Variants in FAM227B observed in about 807,000 individuals in gnomAD.
FAM227B encodes protein FAM227B.
A neutral mutation model predicts 73.8 loss-of-function variants in FAM227B; 88 were observed. The ratio of observed to expected loss-of-function variants is 1.19; its 90% CI spans 1.00 to 1.42. The LOEUF (loss-of-function observed/expected upper bound fraction) is 1.42, where lower values mean the gene tolerates loss of function less well. FAM227B is among the 40% of genes most tolerant of loss of function. The pLI is 0.00. For synonymous variants in FAM227B, 210 were observed against 190.5 expected, an observed-to-expected ratio of 1.10 and a Z score of -0.84; for missense variants, 632 against 590.9, an observed-to-expected ratio of 1.07 and a Z score of -0.72.
intron 5 of FAM227B, 76 bp downstream of exon 5, chr15:49,587,940 C>T (rs544598468): frequency 6.4e-5 from 81 of 1,256,190 alleles, no homozygotes; most frequent in Middle Eastern, 2.1e-4. Flanking sequence ...TATTAGTGCT[C>T]ATCTGTGGAA....
chr15:49,412,041 T>C (rs1465351438), intron 11 of FAM227B, among the ~76,000 whole-genome samples: 1 of 152,118 alleles, frequency 6.6e-6, no homozygotes. Context: ...TACTTGGCAT[T>C]AAGAAGCAAT....
At chr15:49,403,555 T>G (rs2048317319) in intron 11 of FAM227B, among the ~76,000 whole-genome samples, 2 of 152,120 alleles carry the variant, frequency 1.3e-5, no homozygotes. Context: ...TGCACAGAGG[T>G]GTTTATAGTA....
At chr15:49,394,835 G>C (rs1043227127) in intron 11 of FAM227B, among the ~76,000 whole-genome samples, 3 of 152,136 alleles carry the variant, frequency 2.0e-5, no homozygotes, top group Non-Finnish European at 4.4e-5. Context: ...GAAAATGTTT[G>C]TAATTGTTCC....
At chr15:49,592,100 G>A (rs1483189591) in intron 3 of FAM227B, among the ~76,000 whole-genome samples, 6 of 152,064 alleles carry the variant, frequency 3.9e-5, no homozygotes, top group East Asian at 1.9e-4. Flanking sequence ...GCTTCCTTGC[G>A]ATGGGTTAGA....
At chr15:49,591,026 T>G (rs1381852504) in intron 3 of FAM227B, among the ~76,000 whole-genome samples, 7 of 137,936 alleles carry the variant, frequency 5.1e-5, no homozygotes, top group African/African-American at 2.0e-4. Flanking sequence ...TTCTCTTTTT[T>G]TTGTTTTTTT....
intron 9 of FAM227B, among the ~76,000 whole-genome samples, chr15:49,545,320 T>C (rs1339710767): frequency 6.6e-6 from 1 of 152,196 alleles, no homozygotes; most frequent in Non-Finnish European, 1.5e-5. Context: ...TGATCTTTTG[T>C]ATTTCTGTGG....
At chr15:49,501,041 A>G (rs2058091197) in intron 11 of FAM227B, among the ~76,000 whole-genome samples, 1 of 152,208 alleles carries the variant, frequency 6.6e-6, no homozygotes, top group African/African-American at 2.4e-5. Context: ...ATCCAGAACC[A>G]TGAGCCAATT....
Position 49,533,219 on chromosome 15 carries a change from C to T in FAM227B, c.874+8461G>A, listed in dbSNP as rs757674113. 3.3e-5 allele frequency among the ~76,000 whole-genome samples: 5 copies of T among 151,876 alleles called. No homozygotes were observed. The South Asian group carries it at 1.0e-3, about 31-fold the overall frequency. On this transcript the variant is annotated intron_variant, in intron 10 of 15. Coordinates refer to ENST00000299338, the MANE Select transcript of FAM227B (RefSeq NM_152647.3). ...CTATTACTGATTTTTAATTTCATGT[C>T]ATCGTGGTCAGAAGAGATGCTTGAT...
chr15:49,544,113 CCTAT>C (rs1217962528), intron 9 of FAM227B, among the ~76,000 whole-genome samples: 3 of 152,096 alleles, frequency 2.0e-5, no homozygotes, highest in African/African-American at 2.4e-5. Context: ...ATTGATTCTA[CCTAT>C]CTGTGAGCAT....
Position 49,424,340 on chromosome 15 carries a change from T to A in FAM227B, c.1013-52941A>T, listed in dbSNP as rs890102153. 1.2e-6 allele frequency: 2 copies of A among 1,613,664 alleles called. No homozygotes were observed. Among genetic ancestry groups the A allele is most frequent in the Non-Finnish European group, 1.7e-6 (2 of 1,179,656 alleles). ...GACATGGATCCTGCCAACTTTGCTC[T>A]ACAGATCATGCTTTCACATTATCTG... is the stretch of plus-strand genomic sequence containing the variant. On this transcript the variant is annotated intron_variant, in intron 11 of 15. Coordinates refer to ENST00000299338, the MANE Select transcript of FAM227B (RefSeq NM_152647.3).
intron 13 of FAM227B, among the ~76,000 whole-genome samples, chr15:49,345,897 G>A (rs2041404995): frequency 6.6e-6 from 1 of 152,166 alleles, no homozygotes; most frequent in Admixed American, 6.5e-5. Context: ...CCTTGCCTTT[G>A]AGAGATTGAG....
intron 13 of FAM227B, among the ~76,000 whole-genome samples, chr15:49,355,387 C>G (rs966690996): frequency 1.3e-5 from 2 of 152,158 alleles, no homozygotes; most frequent in Non-Finnish European, 2.9e-5. Context: ...ATACAGAGAA[C>G]TGCCTAAAGG....
chr15:49,373,788 A>C lies in FAM227B; in HGVS notation c.1013-2389T>G, dbSNP rs75132598. Among the ~76,000 whole-genome samples, 1,441 of 152,266 alleles carry C rather than the reference A, an allele frequency of 9.5e-3. 35 individuals are homozygous for C. Among genetic ancestry groups the C allele is most frequent in the African/African-American group, 0.033 (1,379 of 41,562 alleles). Reference sequence around the variant, plus strand: ...AATGCAAATAACTCCTATATGTTGGAAAAATTAAAGAAAGGTCAAGTGTAG... The same window carrying C: ...AATGCAAATAACTCCTATATGTTGGCAAAATTAAAGAAAGGTCAAGTGTAG... On this transcript the variant is annotated intron_variant, in intron 11 of 15. Transcript: ENST00000299338.
intron 11 of FAM227B, among the ~76,000 whole-genome samples, chr15:49,389,856 T>C (rs1432278225): frequency 1.3e-5 from 2 of 151,986 alleles, no homozygotes; most frequent in Non-Finnish European, 1.5e-5. Context: ...TAGCCACTGG[T>C]AGAACCATTT....
intron 13 of FAM227B, among the ~76,000 whole-genome samples, chr15:49,355,014 C>A (rs1314118468): frequency 6.6e-6 from 1 of 151,410 alleles, no homozygotes; most frequent in African/African-American, 2.4e-5. Flanking sequence ...CTCCAACAGA[C>A]CTGCAGCTGA....
At chr15:49,335,522 A>AT in intron 13 of FAM227B, 26 bp from the exon 14 acceptor site, 5 of 1,561,160 alleles carry the variant, frequency 3.2e-6, no homozygotes, top group Non-Finnish European at 4.4e-6. Context: ...TTAAGGAATG[A>AT]TTTTCAATTA....
chr15:49,530,565 T>C (rs1272097907), intron 10 of FAM227B, among the ~76,000 whole-genome samples: 1 of 151,820 alleles, frequency 6.6e-6, no homozygotes, highest in Non-Finnish European at 1.5e-5. Context: ...TACCATTGGG[T>C]AAAAGTGAAA....
intron 11 of FAM227B, among the ~76,000 whole-genome samples, chr15:49,499,149 G>C (rs2057908956): frequency 9.4e-6 from 1 of 106,414 alleles, no homozygotes; most frequent in Non-Finnish European, 1.7e-5. Flanking sequence ...CTGGGCGACA[G>C]AGCGAGACTC....
Position 49,458,710 on chromosome 15 carries a change from CTAAAAGCAA to C in FAM227B, c.1012+49492_1012+49500del, listed in dbSNP as rs2053535113. Among the ~76,000 whole-genome samples, 7 of 152,126 alleles carry C rather than the reference CTAAAAGCAA, an allele frequency of 4.6e-5. No homozygotes were observed. The South Asian group carries it at 1.2e-3, about 27-fold the overall frequency. ...AAAATCAACTTCATAATAATGTTTCCTAAAAGCAATAGGATTAGTTACAGTTGTGGATAT... is the reference window on the plus strand; with the variant it reads ...AAAATCAACTTCATAATAATGTTTCCTAGGATTAGTTACAGTTGTGGATAT... On this transcript the variant is annotated intron_variant, in intron 11 of 15. Coordinates refer to ENST00000299338, the MANE Select transcript of FAM227B (RefSeq NM_152647.3).
Sources: gnomAD v4.1 joint callset for allele counts (sites outside exome capture counted in the v4.1 genomes callset) on GRCh38, gnomAD v4.1.1 for gene constraint, MANE v1.5 for transcripts, NCBI Gene and HGNC (gene_info 2026-07-23, HGNC 2026-07-21) for gene names.